The following TTN variants were observed in gnomAD, a reference collection of about 807,000 sequenced individuals.
TTN encodes the protein connectin.
TTN carries 1,525 observed loss-of-function variants against 3,223.0 expected under a neutral mutation model. That is an observed-to-expected ratio of 0.47 (90% CI 0.45 to 0.49). TTN has a LOEUF of 0.49. TTN is among the 20% of genes least tolerant of loss of function. TTN has a pLI of 0.00. For missense variants in TTN, 40,786 were observed against 43,424.0 expected (o/e 0.94, Z 5.40); for synonymous variants, 14,094 against 15,161.0 (o/e 0.93, Z 5.17).
chr2:178,613,045 GT>G lies in TTN; in HGVS notation c.49675del (p.Thr16559LeufsTer2). 1 of 1,612,652 alleles carries G rather than the reference GT, an allele frequency of 6.2e-7. No homozygotes were observed. Among genetic ancestry groups the G allele is most frequent in the Non-Finnish European group, 8.5e-7 (1 of 1,179,202 alleles). ...IDPPWPPGKP[T>X]VKDVGKTSVR... ...TGATGTTTTGCCTACATCTTTTACAGTTGGTTTTCCAGGGGGCCATGGAGGA... is the reference window on the plus strand; with the variant it reads ...TGATGTTTTGCCTACATCTTTTACAGTGGTTTTCCAGGGGGCCATGGAGGA... On this transcript the variant is annotated frameshift_variant, in exon 265 of 363. Coordinates refer to ENST00000589042, the MANE Select transcript of TTN (RefSeq NM_001267550.2). LOFTEE classifies it high-confidence loss of function.
At chr2:178,800,304 G>T in intron 4 of TTN, 91 bp downstream of exon 4, 1 of 1,524,790 alleles carries the variant, frequency 6.6e-7, no homozygotes, top group Non-Finnish European at 9.0e-7. Context: ...TCTTCCCAGG[G>T]CTGTGAGAGG....
At chr2:178,595,445 CA>C in intron 295 of TTN, 61 bp downstream of exon 295, 1 of 1,476,710 alleles carries the variant, frequency 6.8e-7, no homozygotes, top group Non-Finnish European at 9.1e-7. Context: ...ATTTTTTCAC[CA>C]TAGTCTTGTA....
intron 47 of TTN, chr2:178,749,083 A>C (rs1303885045): frequency 6.2e-7 from 1 of 1,612,898 alleles, no homozygotes. Flanking sequence ...CTTCATATAC[A>C]ATGGCAGATG....
chr2:178,567,031 A>G lies in TTN; in HGVS notation c.79101T>C (p.Tyr26367=), dbSNP rs1057522307. The G allele has an allele frequency of 1.9e-6, 3 of 1,613,618 alleles. No individual in the cohort carries two copies. Among genetic ancestry groups the G allele is most frequent in the South Asian group, 1.1e-5 (1 of 91,080 alleles). ...CAGATTCCAAAGGCTCTCCAACACC[A>G]TATTTGTTGACAGCCATTATACGGA... ...YVFRIMAVNK[Y]GVGEPLESAP... The change falls in exon 326 of 363, where the codon TAT becomes TAC. Residue 26367 remains tyrosine, a synonymous_variant. Coordinates refer to ENST00000589042, the MANE Select transcript of TTN (RefSeq NM_001267550.2).
rs1576340594 is a variant in TTN, at chr2:178,605,617, G to C, written c.53678C>G (p.Pro17893Arg). The stretch of plus-strand genomic sequence containing the variant: ...TTTTTCAATGATATATCCTTGGATG[G>C]GACTGCCACCATTACTGCGGGGCTC... ...WKEPRSNGGS[P>R]IQGYIIEKRR... is the part of the protein sequence containing the mutation. The change falls in exon 279 of 363, where the codon CCC becomes CGC. Residue 17893 changes from proline to arginine, a missense_variant. Coordinates refer to ENST00000589042, the MANE Select transcript of TTN (RefSeq NM_001267550.2). The C allele has an allele frequency of 6.2e-7, 1 of 1,612,014 alleles. No individual in the cohort carries two copies. Among genetic ancestry groups the C allele is most frequent in the African/African-American group, 1.3e-5 (1 of 74,884 alleles).
chr2:178,749,521 G>A (rs1187523494), intron 47 of TTN: 1 of 1,612,824 alleles, frequency 6.2e-7, no homozygotes, highest in Non-Finnish European at 8.5e-7. Context: ...AGGGAGTAAA[G>A]GGACCAGCTG....
chr2:178,687,069 GACTATGGC>G (rs1234497577), intron 127 of TTN, among the ~76,000 whole-genome samples: 1 of 152,186 alleles, frequency 6.6e-6, no homozygotes, highest in Non-Finnish European at 1.5e-5. Context: ...ATTCCACTAA[GACTATGGC>G]ACCTTGGATT....
intron 103 of TTN, 25 bp downstream of exon 103, chr2:178,705,149 T>C (rs376415831): frequency 6.2e-5 from 99 of 1,601,916 alleles, no homozygotes; most frequent in Non-Finnish European, 7.7e-5. Context: ...TTTTTTAGCA[T>C]GATGCTATAT....
At chr2:178,788,528 T>G (rs186521638) in intron 13 of TTN, among the ~76,000 whole-genome samples, 171 of 152,148 alleles carry the variant, frequency 1.1e-3, no homozygotes, top group African/African-American at 3.8e-3. Context: ...AAAAAAAAGA[T>G]GTAGAGTCAG....
Position 178,756,590 on chromosome 2 carries a change from T to C in TTN, c.10886A>G (p.Asp3629Gly), listed in dbSNP as rs1218305947. Residue 3629 changes from aspartate (D) to glycine (G), a missense_variant, in exon 46 of 363, where the codon GAT (aspartate) becomes GGT (glycine). Physicochemically the swap from Asp to Gly is moderately conservative, Grantham distance 94. Transcript: ENST00000589042. The stretch of plus-strand genomic sequence containing the variant: ...GGATGCAGTATGGCACAACTGTGTA[T>C]CTTGAACAGATGCAGCTGTGTGGAT... ...SSIHTAASVQDTQLCHTASLS... is the reference protein window; with the variant it reads ...SSIHTAASVQGTQLCHTASLS... 1 of 1,613,026 alleles carries C rather than the reference T, an allele frequency of 6.2e-7. No homozygotes were observed. The highest frequency in any genetic ancestry group is 1.1e-5 in the South Asian group (1 of 90,956).
At chr2:178,698,744 T>C in intron 112 of TTN, 99 bp downstream of exon 112, 3 of 1,167,510 alleles carry the variant, frequency 2.6e-6, no homozygotes, top group South Asian at 2.9e-5. Flanking sequence ...CATTTTGTGA[T>C]TGCAAACTCT....
In TTN at chr2:178,530,662, G is replaced by C. The variant is rs1391706140; in HGVS notation, c.105953C>G (p.Thr35318Ser). Residue 35318 changes from threonine to serine, a missense_variant, in exon 358 of 363, where the codon ACC becomes AGC. Physicochemically the swap from Thr to Ser is moderately conservative, Grantham distance 58 (BLOSUM62 1). Transcript: ENST00000589042. Reference protein sequence around the residue: ...ESSVLRAKEVTWYKDGKKLKE... With the variant: ...ESSVLRAKEVSWYKDGKKLKE... The stretch of plus-strand genomic sequence containing the variant: ...CAGTTTCTTGCCATCTTTATACCAG[G>C]TGACCTCTTTTGCCCTTAATACACT... 1.2e-6 allele frequency: 2 copies of C among 1,613,906 alleles called. No homozygotes were observed. The highest frequency in any genetic ancestry group is 1.7e-6 in the Non-Finnish European group (2 of 1,179,874).
chr2:178,542,724 T>C lies in TTN; in HGVS notation c.97130A>G (p.Tyr32377Cys). ...GGTAACATTCTTCAATTCAAGTGTG[T>C]ATTCTCCAGTATCTCTGATAGTGGT... ...RETTIRDTGE[Y>C]TLELKNVTGT... The change falls in exon 348 of 363, where the codon TAC (tyrosine) becomes TGC (cysteine). Residue 32377 changes from tyrosine (Y) to cysteine (C), a missense_variant. Tyr to Cys is a radical substitution (Grantham distance 194). Coordinates refer to ENST00000589042, the MANE Select transcript of TTN (RefSeq NM_001267550.2). 6.2e-7 allele frequency: 1 copy of C among 1,613,848 alleles called. No homozygotes were observed. The highest frequency in any genetic ancestry group is 1.3e-5 in the African/African-American group (1 of 75,036).
rs755085517 is a variant in TTN, at chr2:178,750,964, T to C, written c.11311+2160A>G. ...CTTTTGGTAGACTTTCCTTTACCAG[T>C]GCTTCTTGGCTCATTCTTATTTCAG... On this transcript the variant is annotated intron_variant, in intron 47 of 362. Transcript: ENST00000589042. The C allele has an allele frequency of 3.7e-6, 6 of 1,613,024 alleles. No individual in the cohort carries two copies. In the South Asian group the frequency reaches 6.6e-5, roughly 18 times the overall value.
In TTN at chr2:178,715,088, T is replaced by C; in HGVS notation, c.26098A>G (p.Ile8700Val). 2 of 1,613,770 alleles carry C rather than the reference T, an allele frequency of 1.2e-6. No homozygotes were observed. Among genetic ancestry groups the C allele is most frequent in the Non-Finnish European group, 1.7e-6 (2 of 1,179,712 alleles). The change falls in exon 90 of 363, where the codon ATC becomes GTC. Residue 8700 changes from isoleucine to valine, a missense_variant. Coordinates refer to ENST00000589042, the MANE Select transcript of TTN (RefSeq NM_001267550.2). ...GCAGCATCGACATTCAGGATGTGGA[T>C]ACTGGTTAGGAAGTTCTCAGACATT... ...KIMSENFLTS[I>V]HILNVDAADI...
rs376054748 is a variant in TTN, at chr2:178,557,277, G to A, written c.87985C>T (p.Pro29329Ser). 6.2e-7 allele frequency: 1 copy of A among 1,613,746 alleles called. No homozygotes were observed. The highest frequency in any genetic ancestry group is 1.3e-5 in the African/African-American group (1 of 74,934). ...CCACAAGCATCAATTGCCAAGACTG[G>A]TTCAGAAGGATGGCTAGGTTTTCCA... ...GVGKPSHPSEPVLAIDACEPP... is the reference protein window; with the variant it reads ...GVGKPSHPSESVLAIDACEPP... Residue 29329 changes from proline (P) to serine (S), a missense_variant, in exon 329 of 363, where the codon CCA becomes TCA. Pro to Ser is a moderately conservative substitution (Grantham distance 74). Coordinates refer to ENST00000589042, the MANE Select transcript of TTN (RefSeq NM_001267550.2).
Position 178,572,921 on chromosome 2 carries a change from G to T in TTN, c.73211C>A (p.Ser24404Tyr). The T allele has an allele frequency of 1.2e-6, 2 of 1,613,290 alleles. No individual in the cohort carries two copies. The highest frequency in any genetic ancestry group is 1.1e-5 in the South Asian group (1 of 91,066). ...AAGGGCAGGTTCCCCAAGTCCTTCGGAATTCATGGCATAGATGCGGATCTT... is the reference window on the plus strand; with the variant it reads ...AAGGGCAGGTTCCCCAAGTCCTTCGTAATTCATGGCATAGATGCGGATCTT... The part of the protein sequence containing the change: ...EYKIRIYAMN[S>Y]EGLGEPALVP... The change falls in exon 326 of 363, where the codon TCC becomes TAC. Residue 24404 changes from serine to tyrosine, a missense_variant. Transcript: ENST00000589042.
intron 261 of TTN, 46 bp from the exon 262 acceptor site, chr2:178,614,394 T>G (rs2056917689): frequency 6.3e-7 from 1 of 1,578,264 alleles, no homozygotes; most frequent in Non-Finnish European, 8.6e-7. Context: ...GTTCACCATT[T>G]TTTTTATTTT....
chr2:178,694,706 T>G (rs1375089666), intron 116 of TTN, 30 bp from the exon 117 acceptor site: 2 of 1,523,170 alleles, frequency 1.3e-6, no homozygotes, highest in African/African-American at 2.8e-5. Flanking sequence ...TATATTTGTA[T>G]TTTGAAGAAT....
Sources: gnomAD v4.1 joint callset for allele counts (sites outside exome capture counted in the v4.1 genomes callset) on GRCh38, gnomAD v4.1.1 for gene constraint, MANE v1.5 for transcripts, NCBI Gene and HGNC (gene_info 2026-07-23, HGNC 2026-07-21) for gene names.